Variants in SHQ1 observed in about 807,000 individuals in gnomAD.
The protein encoded by SHQ1 is protein SHQ1 homolog.
SHQ1 carries 49 observed loss-of-function variants against 53.8 expected under a neutral mutation model. The observed-to-expected ratio is 0.91, with a 90% CI of 0.72 to 1.16. The LOEUF (loss-of-function observed/expected upper bound fraction) is 1.16. Among genes scored for constraint, SHQ1 ranks in the 50% most tolerant of loss-of-function variants. SHQ1 has a pLI of 0.00. For synonymous variants in SHQ1, 243 were observed against 251.0 expected (o/e 0.97, Z 0.30); for missense variants, 738 against 683.1 (o/e 1.08, Z -0.90).
chr3:72,829,777 A>G (rs1174380619), intron 5 of SHQ1, among the ~76,000 whole-genome samples: 1 of 152,224 alleles, frequency 6.6e-6, no homozygotes, highest in East Asian at 1.9e-4. Flanking sequence ...CTTATCTCAC[A>G]GATGTTTAGA....
chr3:72,814,264 T>C (rs1368952699), intron 8 of SHQ1, among the ~76,000 whole-genome samples: 1 of 152,240 alleles, frequency 6.6e-6, no homozygotes, highest in Non-Finnish European at 1.5e-5. Context: ...AACATATTAA[T>C]AAATGCTAAC....
intron 3 of SHQ1, among the ~76,000 whole-genome samples, chr3:72,841,577 A>G (rs1227203969): frequency 2.0e-5 from 3 of 152,204 alleles, no homozygotes; most frequent in Non-Finnish European, 2.9e-5. Context: ...AAAGTAATGG[A>G]AGAATACAGG....
At chr3:72,830,025 A>G (rs1460403516) in intron 5 of SHQ1, among the ~76,000 whole-genome samples, 1 of 152,130 alleles carries the variant, frequency 6.6e-6, no homozygotes, top group Non-Finnish European at 1.5e-5. Flanking sequence ...CAAAGGAATT[A>G]CAAATAAGAA....
At chr3:72,825,411 T>C (rs142433150) in intron 5 of SHQ1, among the ~76,000 whole-genome samples, 220 of 148,700 alleles carry the variant, frequency 1.5e-3, no homozygotes, top group African/African-American at 5.5e-3. Context: ...ATTTTTGGCA[T>C]GTGCACTCAT....
At chr3:72,821,687 C>T (rs1191323459) in intron 6 of SHQ1, among the ~76,000 whole-genome samples, 3 of 152,138 alleles carry the variant, frequency 2.0e-5, no homozygotes, top group Admixed American at 6.5e-5. Context: ...CAACAGCCCA[C>T]GCTATGACAC....
chr3:72,751,506 G>A (rs865946715), intron 10 of SHQ1, among the ~76,000 whole-genome samples: 19,061 of 113,358 alleles, frequency 0.17, 2,116 homozygotes, highest in African/African-American at 0.24. Flanking sequence ...GTGTGTGTGT[G>A]TGTATATATA....
intron 8 of SHQ1, among the ~76,000 whole-genome samples, chr3:72,813,760 C>CAAAAAA (rs757465696): frequency 6.2e-4 from 25 of 40,526 alleles, no homozygotes; most frequent in African/African-American, 2.3e-3. Flanking sequence ...GACACCATCT[C>CAAAAAA]AAAAAAAAAA....
At chr3:72,840,763 G>T (rs780238837) in intron 4 of SHQ1, among the ~76,000 whole-genome samples, 1 of 151,930 alleles carries the variant, frequency 6.6e-6, no homozygotes, top group Non-Finnish European at 1.5e-5. Flanking sequence ...GTATGAGAGA[G>T]GAGTTCTGCT....
chr3:72,779,802 G>A (rs984675372), intron 10 of SHQ1, among the ~76,000 whole-genome samples: 1 of 152,194 alleles, frequency 6.6e-6, no homozygotes, highest in Non-Finnish European at 1.5e-5. Context: ...AAAATGGCAG[G>A]GGACTTTGAA....
At chr3:72,730,279 A>G in the SHQ1 span, among the ~76,000 whole-genome samples, 3 of 152,030 alleles carry the variant, frequency 2.0e-5, no homozygotes, top group African/African-American at 7.2e-5. Context: ...CCACACCTGG[A>G]TAATTTTTTA....
intron 9 of SHQ1, among the ~76,000 whole-genome samples, chr3:72,805,038 A>AT (rs764906203): frequency 1.3e-5 from 2 of 152,254 alleles, no homozygotes; most frequent in Non-Finnish European, 2.9e-5. Flanking sequence ...TATAGCCAGT[A>AT]TAGCATATGA....
chr3:72,828,405 G>A (rs1484130179), intron 5 of SHQ1, among the ~76,000 whole-genome samples: 2 of 152,026 alleles, frequency 1.3e-5, no homozygotes, highest in East Asian at 3.9e-4. Context: ...TATATGAGAA[G>A]CAGTGTGGGT....
In SHQ1 at chr3:72,749,584, T is replaced by C; in HGVS notation, c.*700A>G. ...GGGAATGATGGGTCCGTTCCTCACT[T>C]CAGTTGTGGTGATAGTTTTACGCAG... On this transcript the variant is annotated 3_prime_UTR_variant, in exon 11 of 11. Transcript: ENST00000325599. The C allele has an allele frequency of 4.5e-6, 1 of 221,278 alleles. No homozygotes were observed. Among genetic ancestry groups the C allele is most frequent in the Non-Finnish European group, 9.0e-6 (1 of 110,608 alleles). The allele number at this position is 221,278 out of a possible 1,614,324, so 13.7% of individuals were successfully genotyped here.
chr3:72,759,135 G>A (rs965096337), intron 10 of SHQ1, among the ~76,000 whole-genome samples: 20 of 152,066 alleles, frequency 1.3e-4, no homozygotes, highest in African/African-American at 4.6e-4. Flanking sequence ...TGGATTAAAG[G>A]CCCACCCTAC....
intron 6 of SHQ1, among the ~76,000 whole-genome samples, chr3:72,821,555 C>G (rs887076358): frequency 8.5e-5 from 13 of 152,144 alleles, no homozygotes; most frequent in African/African-American, 2.4e-4. Context: ...CCACCTAAGG[C>G]TTATCTGGAA....
chr3:72,739,493 A>C, the SHQ1 span, among the ~76,000 whole-genome samples: 1 of 152,336 alleles, frequency 6.6e-6, no homozygotes, highest in African/African-American at 2.4e-5. Context: ...AGAGAGGTAA[A>C]GATGGGGTTC....
At chr3:72,726,517 A>C in the SHQ1 span, among the ~76,000 whole-genome samples, 1 of 152,010 alleles carries the variant, frequency 6.6e-6, no homozygotes, top group African/African-American at 2.4e-5. Context: ...CACGTCAGCT[A>C]ATTTTTGTAT....
chr3:72,750,159 A>G lies in SHQ1; in HGVS notation c.*125T>C. 3 of 815,660 alleles carry G rather than the reference A, an allele frequency of 3.7e-6. No homozygotes were observed. The highest frequency in any genetic ancestry group is 5.8e-6 in the Non-Finnish European group (3 of 518,270). The allele number at this position is 815,660 out of a possible 1,614,324, so 50.5% of individuals were successfully genotyped here. ...AGTTGGTTGAATCCACAGATGTGGA[A>G]CACACAAATACAGTGGGCTGACTAT... On this transcript the variant is annotated 3_prime_UTR_variant, in exon 11 of 11. Transcript: ENST00000325599.
intron 6 of SHQ1, 46 bp from the exon 7 acceptor site, chr3:72,817,430 TA>T (rs1449369669): frequency 6.5e-7 from 1 of 1,528,788 alleles, no homozygotes; most frequent in East Asian, 2.3e-5. Flanking sequence ...TTCAGTTTTG[TA>T]AAACTCCCAA....
Sources: allele counts gnomAD v4.1 joint callset (sites outside exome capture counted in the v4.1 genomes callset), GRCh38; gene constraint gnomAD v4.1.1; transcripts MANE v1.5; gene names NCBI Gene and HGNC (gene_info 2026-07-23, HGNC 2026-07-21).